The following WRN variants were observed in gnomAD, a reference collection of about 807,000 sequenced individuals.
WRN encodes the protein bifunctional 3'-5' exonuclease/ATP-dependent helicase WRN.
WRN carries 149 observed loss-of-function variants against 180.7 expected under a neutral mutation model. The observed-to-expected ratio is 0.82, with a 90% CI of 0.72 to 0.94. WRN has a LOEUF of 0.94. Among genes scored for constraint, WRN ranks in the 40% least tolerant of loss-of-function variants. The probability of loss-of-function intolerance (pLI) is 0.00; values close to 1 mark genes in which losing one functional copy is unlikely to be tolerated. For missense variants in WRN, 1,661 were observed against 1,700.1 expected, an observed-to-expected ratio of 0.98 and a Z score of 0.40; for synonymous variants, 548 against 568.9, an observed-to-expected ratio of 0.96 and a Z score of 0.52.
At chr8:31,061,210 T>G (rs1417671524) in intron 3 of WRN, among the ~76,000 whole-genome samples, 1 of 152,124 alleles carries the variant, frequency 6.6e-6, no homozygotes, top group African/African-American at 2.4e-5. Flanking sequence ...ATAGTTTTGT[T>G]TCCTGTCTTC....
At chr8:31,093,585 TC>T (rs1813844392) in intron 16 of WRN, among the ~76,000 whole-genome samples, 1 of 152,222 alleles carries the variant, frequency 6.6e-6, no homozygotes, top group South Asian at 2.1e-4. Context: ...GAACATGTTT[TC>T]TTTTTTTCTA....
rs1255250156 is a variant in WRN, at chr8:31,147,403, C to T, written c.3499C>T (p.His1167Tyr). ...YGKLVEARQK[H>Y]ANKMDVPPAI... The stretch of plus-strand genomic sequence containing the variant: ...CAAATTGGTAGAAGCTAGGCAGAAA[C>T]ATGCCAATAAAATGGATGTTCCCCC... The change falls in exon 30 of 35, where the codon CAT becomes TAT. Residue 1167 changes from histidine to tyrosine, a missense_variant. By Grantham distance (83) the His-to-Tyr change is moderately conservative. Transcript: ENST00000298139. 1.2e-6 allele frequency: 2 copies of T among 1,614,040 alleles called. No homozygotes were observed. Among genetic ancestry groups the T allele is most frequent in the Admixed American group, 1.7e-5 (1 of 60,018 alleles).
chr8:31,148,630 G>T (rs888017786), intron 30 of WRN, among the ~76,000 whole-genome samples: 8 of 151,936 alleles, frequency 5.3e-5, no homozygotes, highest in Admixed American at 3.3e-4. Flanking sequence ...TGAAGATCTC[G>T]CTTTATTACT....
chr8:31,160,540 G>C (rs753090786), intron 33 of WRN, among the ~76,000 whole-genome samples: 8 of 152,192 alleles, frequency 5.3e-5, no homozygotes, highest in Non-Finnish European at 2.9e-5. Flanking sequence ...TGCAGAATGA[G>C]ATAGCGTTTT....
chr8:31,045,971 A>C (rs1265710922), intron 1 of WRN, among the ~76,000 whole-genome samples: 1 of 151,996 alleles, frequency 6.6e-6, no homozygotes, highest in Non-Finnish European at 1.5e-5. Context: ...TCCTTTTTTA[A>C]CTGTCTTAAT....
rs568598127 is a variant in WRN at position 31,089,271 on chromosome 8, C to T, written c.1652+306C>T. Among the ~76,000 whole-genome samples the T allele has an allele frequency of 6.6e-5, 10 of 152,012 alleles. No individual in the cohort carries two copies. In the East Asian group the frequency reaches 1.2e-3, roughly 18 times the overall value. ...TAATACTGACTTGTTTTTCATTAAA[C>T]GAGTGTCTATGTGCCTGTTTTGTGT... On this transcript the variant is annotated intron_variant, in intron 13 of 34. Transcript: ENST00000298139.
chr8:31,111,629 A>G lies in WRN; in HGVS notation c.2103A>G (p.Ala701=), dbSNP rs2130282788. The G allele has an allele frequency of 1.2e-6, 2 of 1,614,018 alleles. No individual in the cohort carries two copies. The highest frequency in any genetic ancestry group is 1.7e-6 in the Non-Finnish European group (2 of 1,179,954). The change falls in exon 19 of 35, where the codon GCA becomes GCG. Residue 701 remains alanine, a synonymous_variant. Transcript: ENST00000298139. ...ACATCATTCAGGTTCCAATCGTTGCACTTACTGCTACTGCAAGTTCTTCAA... is the reference window on the plus strand; with the variant it reads ...ACATCATTCAGGTTCCAATCGTTGCGCTTACTGCTACTGCAAGTTCTTCAA... ...KTALPMVPIV[A]LTATASSSIR...
At chr8:31,094,258 C>G (rs907358885) in intron 16 of WRN, among the ~76,000 whole-genome samples, 5 of 151,896 alleles carry the variant, frequency 3.3e-5, no homozygotes, top group African/African-American at 1.2e-4. Context: ...ATATAACCAT[C>G]ATAATTAATT....
rs2130037140 is a variant in WRN, at chr8:31,065,024, G to A, written c.465G>A (p.Leu155=). 3 of 1,613,602 alleles carry A rather than the reference G, an allele frequency of 1.9e-6. No homozygotes were observed. The highest frequency in any genetic ancestry group is 2.5e-6 in the Non-Finnish European group (3 of 1,179,742). ...WKLLRDFDIK[L]KNFVELTDVA... ...TTCTACGTGACTTTGATATCAAATT[G>A]AAGAATTTTGTGGAGTTGACAGATG... Residue 155 remains leucine (L), a synonymous_variant, in exon 5 of 35, where the codon TTG becomes TTA. Coordinates refer to ENST00000298139, the MANE Select transcript of WRN (RefSeq NM_000553.6).
intron 21 of WRN, among the ~76,000 whole-genome samples, chr8:31,122,100 T>C (rs910786725): frequency 6.6e-6 from 1 of 152,048 alleles, no homozygotes. Flanking sequence ...ATATTTTAAA[T>C]GGTTATCTCA....
chr8:31,051,939 G>A (rs1025233154), intron 1 of WRN, among the ~76,000 whole-genome samples: 2 of 152,160 alleles, frequency 1.3e-5, no homozygotes, highest in Non-Finnish European at 2.9e-5. Flanking sequence ...GTCAAAAGAA[G>A]AATAATATTT....
Position 31,083,714 on chromosome 8 carries a change from G to C in WRN, c.1285G>C (p.Asp429His). ...TTTTTTAAAGCATTTATCTCCCAAT[G>C]ATAATGAAAACGATACGTCCTATGT... ...YKSTEHLSPN[D>H]NENDTSYVIE... The change falls in exon 10 of 35, where the codon GAT (aspartate) becomes CAT (histidine). Residue 429 changes from aspartate (D) to histidine (H), a missense_variant. Asp to His is a moderately conservative substitution (Grantham distance 81). Around this residue, in one of 3 missense-constraint regions of WRN, gnomAD observed 500 missense variants for 504.1 expected, o/e 0.99. Coordinates refer to ENST00000298139, the MANE Select transcript of WRN (RefSeq NM_000553.6). The C allele has an allele frequency of 6.2e-7, 1 of 1,611,670 alleles. No homozygotes were observed. The highest frequency in any genetic ancestry group is 1.7e-5 in the Admixed American group (1 of 59,936).
Position 31,140,573 on chromosome 8 carries a change from T to C in WRN, c.2968-857T>C, listed in dbSNP as rs569937812. Among the ~76,000 whole-genome samples, 13 of 129,436 alleles carry C rather than the reference T, an allele frequency of 1.0e-4. No homozygotes were observed. The South Asian group carries it at 1.3e-3, about 13-fold the overall frequency. The allele number at this position is 129,436 out of a possible 152,430, so 84.9% of individuals were successfully genotyped here. ...ACATACCTCAAAACCATCAGCTGTTTAGCATGCACCTGCTTTTCCTGGTAT... is the reference window on the plus strand; with the variant it reads ...ACATACCTCAAAACCATCAGCTGTTCAGCATGCACCTGCTTTTCCTGGTAT... On this transcript the variant is annotated intron_variant, in intron 24 of 34. Transcript: ENST00000298139.
chr8:31,043,859 C>G (rs185615529), intron 1 of WRN, among the ~76,000 whole-genome samples: 1 of 152,044 alleles, frequency 6.6e-6, no homozygotes, highest in African/African-American at 2.4e-5. Context: ...TTTTGCTGTT[C>G]GTTCATAAAA....
In WRN at chr8:31,132,408, T is replaced by A; in HGVS notation, c.2869T>A (p.Trp957Arg). Residue 957 changes from tryptophan (W) to arginine (R), a missense_variant, in exon 24 of 35, where the codon TGG becomes AGG. Trp to Arg is a moderately radical substitution (Grantham distance 101). Around this residue, in one of 3 missense-constraint regions of WRN, gnomAD observed 1,141 missense variants for 1,149.4 expected, o/e 0.99. Transcript: ENST00000298139. ...YSMDDSEDTS[W>R]DFGPQAFKLL... is the part of the protein sequence containing the mutation. ...CATGGATGACTCAGAGGATACATCC[T>A]GGGACTTTGGTCCACAAGCATTTAA... is the stretch of plus-strand genomic sequence containing the variant. 6.2e-7 allele frequency: 1 copy of A among 1,614,156 alleles called. No homozygotes were observed. The highest frequency in any genetic ancestry group is 8.5e-7 in the Non-Finnish European group (1 of 1,180,010).
chr8:31,114,006 AG>A (rs1801420906), intron 19 of WRN, among the ~76,000 whole-genome samples: 8 of 151,332 alleles, frequency 5.3e-5, no homozygotes, highest in Admixed American at 3.3e-4. Context: ...TTTTTTTTTA[AG>A]GAGATCAAGA....
chr8:31,162,716 A>G (rs1374860247), intron 33 of WRN, among the ~76,000 whole-genome samples: 1 of 152,168 alleles, frequency 6.6e-6, no homozygotes, highest in African/African-American at 2.4e-5. Context: ...GCATGATGTC[A>G]CTAGGTGGTA....
At chr8:31,088,002 T>G (rs1813605107) in intron 12 of WRN, 82 bp downstream of exon 12, 10 of 1,559,882 alleles carry the variant, frequency 6.4e-6, no homozygotes, top group Non-Finnish European at 8.7e-6. Flanking sequence ...TTGGATGGTT[T>G]GGAGGTCAGG....
At chr8:31,167,321 T>C (rs1425781669) in intron 34 of WRN, 91 bp downstream of exon 34, 9 of 1,056,262 alleles carry the variant, frequency 8.5e-6, no homozygotes, top group South Asian at 1.4e-5. Context: ...TGAACTGTTA[T>C]GAATTCTGAT....
Sources: allele counts gnomAD v4.1 joint callset (sites outside exome capture counted in the v4.1 genomes callset), GRCh38; gene constraint gnomAD v4.1.1; regional missense constraint gnomAD v4.1.1; transcripts MANE v1.5; gene names NCBI Gene and HGNC (gene_info 2026-07-23, HGNC 2026-07-21).